CAMKMT: variants seen among roughly 807,000 people sequenced by gnomAD.
CAMKMT encodes calmodulin-lysine N-methyltransferase.
CAMKMT carries 53 observed loss-of-function variants against 48.0 expected under a neutral mutation model. That is an observed-to-expected ratio of 1.10 (90% confidence interval 0.89 to 1.39). The LOEUF (loss-of-function observed/expected upper bound fraction) is 1.39, where lower values mean the gene tolerates loss of function less well. Among genes scored for constraint, CAMKMT ranks in the 40% most tolerant of loss-of-function variants. The pLI is 0.00. For missense variants in CAMKMT, 428 were observed against 402.7 expected, an observed-to-expected ratio of 1.06 and a Z score of -0.54; for synonymous variants, 165 against 152.3, an observed-to-expected ratio of 1.08 and a Z score of -0.61.
At chr2:44,524,993 A>G (rs1304364078) in intron 3 of CAMKMT, among the ~76,000 whole-genome samples, 1 of 151,934 alleles carries the variant, frequency 6.6e-6, no homozygotes, top group Non-Finnish European at 1.5e-5. Flanking sequence ...TTAGCTTGTT[A>G]ATCATCCCTT....
chr2:44,376,906 A>G (rs1161677970), intron 2 of CAMKMT, among the ~76,000 whole-genome samples: 1 of 151,952 alleles, frequency 6.6e-6, no homozygotes, highest in African/African-American at 2.4e-5. Flanking sequence ...GTGGATGGTG[A>G]CTCTTTGTTT....
chr2:44,376,354 G>A (rs948643947), intron 2 of CAMKMT, among the ~76,000 whole-genome samples: 1 of 151,610 alleles, frequency 6.6e-6, no homozygotes, highest in Non-Finnish European at 1.5e-5. Flanking sequence ...GTGGGAGGTG[G>A]AGGTTGCAGT....
At chr2:44,713,641 C>T (rs960997127) in intron 6 of CAMKMT, among the ~76,000 whole-genome samples, 1 of 151,804 alleles carries the variant, frequency 6.6e-6, no homozygotes, top group Non-Finnish European at 1.5e-5. Flanking sequence ...GGAAAGTTCA[C>T]CCAGGAAAAA....
At chr2:44,624,049 C>G (rs996880452) in intron 3 of CAMKMT, among the ~76,000 whole-genome samples, 1 of 152,016 alleles carries the variant, frequency 6.6e-6, no homozygotes, top group South Asian at 2.1e-4. Flanking sequence ...TCCATTCCAC[C>G]CAACTGTTGA....
intron 3 of CAMKMT, among the ~76,000 whole-genome samples, chr2:44,473,917 AGTT>A (rs1298660170): frequency 6.6e-6 from 1 of 152,154 alleles, no homozygotes; most frequent in African/African-American, 2.4e-5. Context: ...AACTGGGACC[AGTT>A]GTTCTATTTA....
chr2:44,539,667 C>A (rs983833727), intron 3 of CAMKMT, among the ~76,000 whole-genome samples: 8 of 152,092 alleles, frequency 5.3e-5, no homozygotes, highest in African/African-American at 1.9e-4. Context: ...AGTTCCTCAG[C>A]CTTTCTTTGG....
At chr2:44,379,142 A>C (rs904708878) in intron 2 of CAMKMT, among the ~76,000 whole-genome samples, 4 of 152,188 alleles carry the variant, frequency 2.6e-5, no homozygotes, top group Non-Finnish European at 1.5e-5. Flanking sequence ...TGTTCTGGAC[A>C]CTTTATGTAA....
chr2:44,675,734 C>G (rs1388276073), intron 3 of CAMKMT, among the ~76,000 whole-genome samples: 4 of 152,038 alleles, frequency 2.6e-5, no homozygotes, highest in Admixed American at 2.0e-4. Flanking sequence ...TAATTATATT[C>G]ACATCATTGT....
intron 7 of CAMKMT, 134 bp from the exon 8 acceptor site, chr2:44,743,488 A>T: frequency 1.6e-6 from 1 of 617,476 alleles, no homozygotes; most frequent in African/African-American, 1.9e-5. Context: ...CCTATTTTTT[A>T]TTATACCTTT....
At chr2:44,524,892 G>A (rs947260606) in intron 3 of CAMKMT, among the ~76,000 whole-genome samples, 2 of 151,402 alleles carry the variant, frequency 1.3e-5, no homozygotes, top group East Asian at 3.9e-4. Context: ...CTATGCAATA[G>A]ATATTATGCC....
At chr2:44,715,025 T>C (rs942858439) in intron 6 of CAMKMT, among the ~76,000 whole-genome samples, 8 of 151,986 alleles carry the variant, frequency 5.3e-5, no homozygotes, top group African/African-American at 1.9e-4. Flanking sequence ...GAAGCCCATC[T>C]CTACTAAAGA....
At chr2:44,417,204 C>A (rs1195741511) in intron 3 of CAMKMT, among the ~76,000 whole-genome samples, 1 of 151,792 alleles carries the variant, frequency 6.6e-6, no homozygotes, top group Admixed American at 6.6e-5. Context: ...CCAGCCTGAC[C>A]AACATGGTGA....
At chr2:44,730,363 A>C (rs780212896) in intron 7 of CAMKMT, among the ~76,000 whole-genome samples, 6 of 152,178 alleles carry the variant, frequency 3.9e-5, no homozygotes, top group Non-Finnish European at 8.8e-5. Flanking sequence ...GTAGTACCTT[A>C]CTTACATAGG....
chr2:44,626,468 C>G (rs532743539), intron 3 of CAMKMT, among the ~76,000 whole-genome samples: 1 of 152,068 alleles, frequency 6.6e-6, no homozygotes, highest in African/African-American at 2.4e-5. Flanking sequence ...GTGATTTAGT[C>G]CATTTGGGCT....
At chr2:44,583,188 A>T (rs1238928543) in intron 3 of CAMKMT, among the ~76,000 whole-genome samples, 1 of 152,128 alleles carries the variant, frequency 6.6e-6, no homozygotes, top group Non-Finnish European at 1.5e-5. Context: ...AATGGACTGG[A>T]TATTCATTCA....
intron 3 of CAMKMT, among the ~76,000 whole-genome samples, chr2:44,630,966 T>C (rs1672777615): frequency 6.6e-6 from 1 of 151,992 alleles, no homozygotes; most frequent in South Asian, 2.1e-4. Flanking sequence ...ATTGCGGCAC[T>C]ATTCACAATA....
chr2:44,667,684 C>G (rs1475215819), intron 3 of CAMKMT, among the ~76,000 whole-genome samples: 1 of 152,184 alleles, frequency 6.6e-6, no homozygotes, highest in Admixed American at 6.5e-5. Flanking sequence ...ATACCCCAGA[C>G]CTTGTCATCA....
intron 3 of CAMKMT, among the ~76,000 whole-genome samples, chr2:44,690,920 G>C (rs181259041): frequency 2.0e-5 from 3 of 151,898 alleles, no homozygotes; most frequent in Non-Finnish European, 4.4e-5. Context: ...AGGTTGCAGC[G>C]AGCCGAGATC....
At chr2:44,712,623 A>T (rs1677943392) in intron 6 of CAMKMT, among the ~76,000 whole-genome samples, 1 of 152,174 alleles carries the variant, frequency 6.6e-6, no homozygotes, top group Non-Finnish European at 1.5e-5. Flanking sequence ...AGTTGCCTAG[A>T]CAAGGGGATT....
Sources: gnomAD v4.1 joint callset for allele counts (sites outside exome capture counted in the v4.1 genomes callset) on GRCh38, gnomAD v4.1.1 for gene constraint, MANE v1.5 for transcripts, NCBI Gene and HGNC (gene_info 2026-07-23, HGNC 2026-07-21) for gene names.